Variants in CYFIP2 observed in about 807,000 individuals in gnomAD.
CYFIP2 encodes the protein cytoplasmic FMR1 interacting protein 2.
In CYFIP2, 29 loss-of-function variants were observed where a neutral mutation model predicts 158.7. The observed-to-expected ratio is 0.18, with a 90% CI of 0.14 to 0.25. The LOEUF is 0.25. Among genes scored for constraint, CYFIP2 ranks in the 10% least tolerant of loss-of-function variants. The pLI is 1.00. For missense variants in CYFIP2, 852 were observed against 1,639.5 expected (o/e 0.52, Z 8.29); for synonymous variants, 585 against 617.6 (o/e 0.95, Z 0.78).
intron 8 of CYFIP2, among the ~76,000 whole-genome samples, chr5:157,305,529 A>C (rs577024684): frequency 6.6e-6 from 1 of 152,332 alleles, no homozygotes; most frequent in African/African-American, 2.4e-5. Context: ...TTTCTTTTCC[A>C]AGGTGGAGTC....
At chr5:157,331,075 C>A (rs1172035585) in intron 20 of CYFIP2, among the ~76,000 whole-genome samples, 2 of 152,128 alleles carry the variant, frequency 1.3e-5, no homozygotes, top group African/African-American at 4.8e-5. Flanking sequence ...CTATAGCCAA[C>A]CTCTGACAAG....
chr5:157,302,102 C>T (rs1758797388), intron 6 of CYFIP2, among the ~76,000 whole-genome samples: 1 of 152,202 alleles, frequency 6.6e-6, no homozygotes, highest in East Asian at 1.9e-4. Flanking sequence ...AGCCAGCCTG[C>T]TTCTGTCATG....
chr5:157,375,670 A>G (rs1257531771), intron 26 of CYFIP2: 3 of 137,300 alleles, frequency 2.2e-5, no homozygotes, highest in African/African-American at 8.3e-5. Flanking sequence ...AGCTGTTGTT[A>G]GTGTATTTTA....
chr5:157,297,243 C>T (rs938531786), intron 5 of CYFIP2, among the ~76,000 whole-genome samples: 2 of 152,208 alleles, frequency 1.3e-5, no homozygotes, highest in African/African-American at 4.8e-5. Flanking sequence ...AAGGAGCTTG[C>T]TGTGTTTAAG....
chr5:157,392,763 TCTC>T, intron 30 of CYFIP2, 67 bp from the exon 31 acceptor site: 5 of 1,556,280 alleles, frequency 3.2e-6, no homozygotes, highest in Non-Finnish European at 4.4e-6. Context: ...CTCAGTGACT[TCTC>T]CTGTTACTCC....
chr5:157,368,796 C>T (rs1334756847), intron 26 of CYFIP2, among the ~76,000 whole-genome samples: 1 of 151,860 alleles, frequency 6.6e-6, no homozygotes. Context: ...ATATCCCATC[C>T]ATGATGGCAC....
At chr5:157,312,618 C>T (rs1354273382) in intron 11 of CYFIP2, among the ~76,000 whole-genome samples, 1 of 152,216 alleles carries the variant, frequency 6.6e-6, no homozygotes. Context: ...TGGCTAACAG[C>T]CATGGTGACT....
intron 23 of CYFIP2, chr5:157,343,671 A>G (rs1398425410): frequency 2.6e-6 from 2 of 773,134 alleles, no homozygotes; most frequent in Non-Finnish European, 4.0e-6. Context: ...AGACAAAGAA[A>G]TGGAGGCCGA....
At chr5:157,336,850 C>T (rs1020385820) in intron 21 of CYFIP2, among the ~76,000 whole-genome samples, 1 of 152,212 alleles carries the variant, frequency 6.6e-6, no homozygotes, top group Non-Finnish European at 1.5e-5. Flanking sequence ...ATGCCCTCTT[C>T]TGGTTTCAAG....
At chr5:157,315,432 G>C (rs1035315950) in intron 13 of CYFIP2, among the ~76,000 whole-genome samples, 1 of 152,220 alleles carries the variant, frequency 6.6e-6, no homozygotes, top group Non-Finnish European at 1.5e-5. Flanking sequence ...ATTGGAATAA[G>C]ATGGGATACA....
At chr5:157,362,146 T>C (rs921240121) in intron 26 of CYFIP2, among the ~76,000 whole-genome samples, 10 of 152,200 alleles carry the variant, frequency 6.6e-5, no homozygotes, top group African/African-American at 2.4e-4. Context: ...TGCTTTGCAA[T>C]TGGGTAAGGA....
intron 23 of CYFIP2, among the ~76,000 whole-genome samples, chr5:157,347,041 A>G (rs931045988): frequency 2.0e-5 from 3 of 152,192 alleles, no homozygotes; most frequent in African/African-American, 4.8e-5. Flanking sequence ...GCTCAGATAG[A>G]TGTAGACCTG....
chr5:157,335,607 AT>A (rs1236194302), intron 21 of CYFIP2, among the ~76,000 whole-genome samples: 8 of 152,184 alleles, frequency 5.3e-5, no homozygotes, highest in African/African-American at 1.9e-4. Flanking sequence ...AGAAAAATAA[AT>A]TTGGGGCTGC....
intron 1 of CYFIP2, among the ~76,000 whole-genome samples, chr5:157,272,988 T>G (rs984457407): frequency 6.6e-5 from 10 of 152,160 alleles, no homozygotes; most frequent in Admixed American, 6.6e-5. Flanking sequence ...TGCCTCAGCC[T>G]CCCGAGTAGC....
intron 23 of CYFIP2, among the ~76,000 whole-genome samples, chr5:157,346,321 A>C (rs568430797): frequency 1.3e-5 from 2 of 152,094 alleles, no homozygotes; most frequent in Admixed American, 1.3e-4. Flanking sequence ...ATACATATCC[A>C]TCCAGAACCT....
intron 1 of CYFIP2, among the ~76,000 whole-genome samples, chr5:157,282,435 G>A (rs1163624956): frequency 6.6e-6 from 1 of 152,156 alleles, no homozygotes; most frequent in Non-Finnish European, 1.5e-5. Context: ...CTCCCACCAG[G>A]CCCCACCTCC....
At chr5:157,310,016 C>T (rs993001507) in intron 10 of CYFIP2, among the ~76,000 whole-genome samples, 182 bp downstream of exon 10, 1 of 152,202 alleles carries the variant, frequency 6.6e-6, no homozygotes, top group Non-Finnish European at 1.5e-5. Context: ...TATCCGCCCT[C>T]TGCTGCCAGC....
At chr5:157,384,479 A>T (rs1236773125) in intron 28 of CYFIP2, 1 of 456,658 alleles carries the variant, frequency 2.2e-6, no homozygotes, top group Non-Finnish European at 4.4e-6. Context: ...GGGCAAAAGG[A>T]CTCAAATCCT....
chr5:157,352,124 C>G (rs1457429728), intron 23 of CYFIP2, among the ~76,000 whole-genome samples: 1 of 152,162 alleles, frequency 6.6e-6, no homozygotes, highest in Non-Finnish European at 1.5e-5. Context: ...AACTGCCTTC[C>G]AAGTGACATA....
Sources: gnomAD v4.1 joint callset for allele counts (sites outside exome capture counted in the v4.1 genomes callset) on GRCh38, gnomAD v4.1.1 for gene constraint, MANE v1.5 for transcripts, NCBI Gene and HGNC (gene_info 2026-07-23, HGNC 2026-07-21) for gene names.